Variants in KCNN2 observed in about 807,000 individuals in gnomAD.
The protein encoded by KCNN2 is potassium calcium-activated channel subfamily N member 2, also known as small conductance calcium-activated potassium channel protein 2.
KCNN2 carries 24 observed loss-of-function variants against 55.5 expected under a neutral mutation model. That is an observed-to-expected ratio of 0.43 (90% confidence interval 0.31 to 0.61). The LOEUF is 0.61. KCNN2 is among the 20% of genes least tolerant of loss of function. The pLI is 0.08. For synonymous variants in KCNN2, 431 were observed against 336.1 expected (o/e 1.28, Z -3.09); for missense variants, 754 against 853.6 (o/e 0.88, Z 1.45).
intron 2 of KCNN2, among the ~76,000 whole-genome samples, chr5:114,266,864 C>T (rs560869963): frequency 3.7e-4 from 57 of 152,276 alleles, no homozygotes; most frequent in African/African-American, 1.4e-3. Context: ...TGCAGTTTTT[C>T]CTAAGATGTC....
At chr5:114,253,008 G>T (rs1348462009) in intron 2 of KCNN2, among the ~76,000 whole-genome samples, 1 of 152,094 alleles carries the variant, frequency 6.6e-6, no homozygotes, top group Non-Finnish European at 1.5e-5. Flanking sequence ...TTCATTTAAA[G>T]AGCTCTGCTC....
At chr5:114,131,594 G>A (rs1021690659) in intron 1 of KCNN2, among the ~76,000 whole-genome samples, 10 of 152,228 alleles carry the variant, frequency 6.6e-5, no homozygotes, top group African/African-American at 9.6e-5. Flanking sequence ...CTGAACACAC[G>A]CATGCATATA....
At chr5:114,475,358 A>G (rs762488527) in intron 5 of KCNN2, among the ~76,000 whole-genome samples, 8 of 151,906 alleles carry the variant, frequency 5.3e-5, no homozygotes, top group Non-Finnish European at 8.8e-5. Flanking sequence ...ACTAGATGCC[A>G]GTAGCACTAC....
chr5:114,139,895 C>A (rs1055243947), intron 1 of KCNN2, among the ~76,000 whole-genome samples: 1 of 151,688 alleles, frequency 6.6e-6, no homozygotes, highest in Non-Finnish European at 1.5e-5. Flanking sequence ...CTGGGTAAGA[C>A]TGAATTTTTT....
chr5:114,285,880 G>T (rs1447199587), intron 2 of KCNN2, among the ~76,000 whole-genome samples: 1 of 150,434 alleles, frequency 6.6e-6, no homozygotes. Context: ...AATGGATCCA[G>T]ATTTTTAAGG....
rs552865051 is a variant in KCNN2 at position 114,429,004 on chromosome 5, TTATAAA to T, written c.1637+24154_1637+24159del. Among the ~76,000 whole-genome samples, 79 of 152,282 alleles carry T rather than the reference TTATAAA, an allele frequency of 5.2e-4. No individual in the cohort carries two copies. In the South Asian group the frequency reaches 9.3e-3, roughly 18 times the overall value. On this transcript the variant is annotated intron_variant, in intron 3 of 7. Coordinates refer to ENST00000673685, the MANE Select transcript of KCNN2 (RefSeq NM_021614.4). ...CTTGGTGGCTTCCAAGTTTGGGCAA[TTATAAA>T]TATAACTGTTATAGACATTTCATGT... is the stretch of plus-strand genomic sequence containing the variant.
intron 4 of KCNN2, among the ~76,000 whole-genome samples, chr5:114,466,004 C>T (rs1315513521): frequency 6.6e-6 from 1 of 152,104 alleles, no homozygotes; most frequent in Non-Finnish European, 1.5e-5. Flanking sequence ...GGATCAAGAG[C>T]ATATGGATGA....
rs184077808 is a variant in KCNN2, at chr5:114,241,730, A to G, written c.-185+20165A>G. 1.0e-3 allele frequency among the ~76,000 whole-genome samples: 77 copies of G among 75,382 alleles called. 16 individuals are homozygous for G. The highest frequency in any genetic ancestry group is 1.5e-3 in the Non-Finnish European group (57 of 39,086). 49.5% of individuals were successfully genotyped at this position (75,382 alleles called of 152,430 possible). A position where few individuals can be genotyped will look rare whatever the true frequency, so the allele number is the denominator to read the frequency against. ...GATATATATATATATACGTATATAT[A>G]TACATATATACGTATATATATGTAT... is the stretch of plus-strand genomic sequence containing the variant. On this transcript the variant is annotated intron_variant, in intron 2 of 10. Coordinates refer to the KCNN2 transcript ENST00000512097.
At chr5:114,449,638 C>T in intron 3 of KCNN2, among the ~76,000 whole-genome samples, 1 of 152,134 alleles carries the variant, frequency 6.6e-6, no homozygotes, top group East Asian at 1.9e-4. Context: ...AGCTCAGTTC[C>T]TCCTTGCCTC....
chr5:114,255,798 A>G (rs969059891), intron 2 of KCNN2, among the ~76,000 whole-genome samples: 1 of 152,120 alleles, frequency 6.6e-6, no homozygotes, highest in Non-Finnish European at 1.5e-5. Context: ...GAGGTAGTAA[A>G]ATCAGGTCTT....
In KCNN2 at chr5:114,176,992, C is replaced by T. The variant is rs190186870; in HGVS notation, c.-270-44488C>T. 2.2e-3 allele frequency among the ~76,000 whole-genome samples: 340 copies of T among 152,208 alleles called. 2 individuals are homozygous for T. Among genetic ancestry groups the T allele is most frequent in the African/African-American group, 8.0e-3 (333 of 41,522 alleles). On this transcript the variant is annotated intron_variant, in intron 1 of 10. Coordinates refer to the KCNN2 transcript ENST00000512097. Reference sequence around the variant, plus strand: ...CAGTTTTTTTTTAAACCATAACTCTCTTCTCATGTCTGAAAAACTCTTAGA... The same window carrying T: ...CAGTTTTTTTTTAAACCATAACTCTTTTCTCATGTCTGAAAAACTCTTAGA...
intron 2 of KCNN2, among the ~76,000 whole-genome samples, chr5:114,228,120 T>C (rs1754276486): frequency 6.6e-6 from 1 of 152,080 alleles, no homozygotes; most frequent in Admixed American, 6.5e-5. Context: ...TGAAAAACAA[T>C]GACATAGATT....
chr5:114,253,034 G>C (rs756443412), intron 2 of KCNN2, among the ~76,000 whole-genome samples: 1 of 151,966 alleles, frequency 6.6e-6, no homozygotes, highest in African/African-American at 2.4e-5. Context: ...CTCCTTGGGG[G>C]GTAGTACCTC....
rs144242745 is a variant in KCNN2 at position 114,223,302 on chromosome 5, G to A, written c.-185+1737G>A. 2.0e-3 allele frequency among the ~76,000 whole-genome samples: 309 copies of A among 152,150 alleles called. 1 individual carries two copies. The highest frequency in any genetic ancestry group is 6.6e-3 in the African/African-American group (272 of 41,518). The stretch of plus-strand genomic sequence containing the variant: ...CATACAGTGAGGATTCTGATTCTTC[G>A]CAGCTTCAGAAAAACTTGTTTGGAG... On this transcript the variant is annotated intron_variant, in intron 2 of 10. Transcript: ENST00000512097.
chr5:114,414,911 C>A (rs1759259187), intron 3 of KCNN2, among the ~76,000 whole-genome samples: 1 of 152,152 alleles, frequency 6.6e-6, no homozygotes, highest in Non-Finnish European at 1.5e-5. Context: ...TCACTACAAT[C>A]CAGTTTTAGA....
intron 1 of KCNN2, among the ~76,000 whole-genome samples, chr5:114,170,564 C>T (rs1020652460): frequency 3.3e-5 from 5 of 151,976 alleles, no homozygotes; most frequent in African/African-American, 9.7e-5. Context: ...GAAGTTGGGG[C>T]CGCCATGTTT....
At chr5:114,129,040 G>T (rs190961826) in intron 1 of KCNN2, among the ~76,000 whole-genome samples, 1 of 152,262 alleles carries the variant, frequency 6.6e-6, no homozygotes, top group Non-Finnish European at 1.5e-5. Flanking sequence ...AATTTACAAA[G>T]ATAAGGGTTT....
At chr5:114,097,449 A>G (rs771132179) in intron 1 of KCNN2, among the ~76,000 whole-genome samples, 4 of 152,178 alleles carry the variant, frequency 2.6e-5, no homozygotes, top group African/African-American at 4.8e-5. Context: ...TATGTTTAGC[A>G]TTCATTCCTA....
intron 1 of KCNN2, among the ~76,000 whole-genome samples, chr5:114,169,191 C>T (rs1228846588): frequency 2.6e-5 from 4 of 152,072 alleles, no homozygotes; most frequent in Non-Finnish European, 5.9e-5. Flanking sequence ...CTCTTTTCTT[C>T]ATAAATTACC....
Sources: gnomAD v4.1 joint callset for allele counts (sites outside exome capture counted in the v4.1 genomes callset) on GRCh38, gnomAD v4.1.1 for gene constraint, MANE v1.5 for transcripts, NCBI Gene and HGNC (gene_info 2026-07-23, HGNC 2026-07-21) for gene names.